CDH13: variants seen among roughly 807,000 people sequenced by gnomAD.
The protein encoded by CDH13 is cadherin 13.
In CDH13, 24 loss-of-function variants were observed where a neutral mutation model predicts 63.8. The observed-to-expected ratio is 0.38, with a 90% CI of 0.27 to 0.53. CDH13 has a LOEUF of 0.53. Ranked by LOEUF, CDH13 falls within the 20% of genes least tolerant of loss-of-function variation. The pLI, the probability that CDH13 is intolerant of heterozygous loss-of-function variation, is 0.85. For missense variants in CDH13, 1,049 were observed against 903.1 expected, an observed-to-expected ratio of 1.16 and a Z score of -2.07; for synonymous variants, 503 against 355.3, an observed-to-expected ratio of 1.42 and a Z score of -4.67.
At chr16:82,987,295 A>G (rs1254216734) in intron 2 of CDH13, among the ~76,000 whole-genome samples, 2 of 152,204 alleles carry the variant, frequency 1.3e-5, no homozygotes, top group African/African-American at 2.4e-5. Flanking sequence ...CTTTCTATCT[A>G]CTGGGCAGAG....
At chr16:82,882,669 C>CCT (rs979743857) in intron 2 of CDH13, among the ~76,000 whole-genome samples, 6 of 151,772 alleles carry the variant, frequency 4.0e-5, no homozygotes, top group African/African-American at 1.4e-4. Context: ...TCCCTTTTTC[C>CCT]CTCTCTCTCT....
chr16:82,950,999 A>G (rs1350936294), intron 2 of CDH13, among the ~76,000 whole-genome samples: 2 of 152,140 alleles, frequency 1.3e-5, no homozygotes, highest in East Asian at 1.9e-4. Context: ...GCGCATCACC[A>G]TATTTCTGTG....
At chr16:82,810,362 C>T (rs2037380558) in intron 1 of CDH13, among the ~76,000 whole-genome samples, 3 of 152,104 alleles carry the variant, frequency 2.0e-5, no homozygotes. Context: ...ATGAGAGGAT[C>T]TGTCAGCCAG....
chr16:83,616,759 G>A (rs191463694), intron 8 of CDH13, among the ~76,000 whole-genome samples: 150 of 152,250 alleles, frequency 9.9e-4, no homozygotes, highest in Non-Finnish European at 1.6e-4. Flanking sequence ...CACTGCACCT[G>A]GAAGCCATTT....
At chr16:83,346,708 T>C (rs777007911) in intron 6 of CDH13, among the ~76,000 whole-genome samples, 35 of 152,372 alleles carry the variant, frequency 2.3e-4, no homozygotes, top group Non-Finnish European at 3.4e-4. Flanking sequence ...TACATGTATA[T>C]ACATGTAATA....
intron 1 of CDH13, among the ~76,000 whole-genome samples, chr16:82,647,829 C>G (rs951028287): frequency 1.3e-5 from 2 of 152,162 alleles, no homozygotes; most frequent in African/African-American, 2.4e-5. Context: ...TGGTAAGTAT[C>G]TGATATGGTT....
intron 5 of CDH13, among the ~76,000 whole-genome samples, chr16:83,260,379 G>T (rs935397351): frequency 6.6e-6 from 1 of 152,206 alleles, no homozygotes; most frequent in Non-Finnish European, 1.5e-5. Context: ...TAGGTGTCCA[G>T]TGTTCTGGAA....
At chr16:83,178,299 C>T (rs1427549362) in intron 4 of CDH13, among the ~76,000 whole-genome samples, 11 of 152,198 alleles carry the variant, frequency 7.2e-5, no homozygotes, top group Admixed American at 1.3e-4. Context: ...CCGCCAGCTG[C>T]GACAACTAAA....
At chr16:83,216,397 AATATATATATATATATAT>A (rs1158270310) in intron 4 of CDH13, among the ~76,000 whole-genome samples, 232 of 16,108 alleles carry the variant, frequency 0.014, 26 homozygotes, top group East Asian at 0.028. Context: ...CCAGCATTGA[AATATATATATATATATAT>A]ATATATATAT....
chr16:82,847,736 C>G (rs545921673), intron 1 of CDH13, among the ~76,000 whole-genome samples: 18 of 152,274 alleles, frequency 1.2e-4, no homozygotes, highest in African/African-American at 3.9e-4. Context: ...TAAAGCTTCC[C>G]AGTGACCGTT....
chr16:83,400,892 C>T (rs1410331440), intron 6 of CDH13, among the ~76,000 whole-genome samples: 2 of 152,114 alleles, frequency 1.3e-5, no homozygotes, highest in East Asian at 1.9e-4. Context: ...AGTATCATTG[C>T]TCCTACTAAT....
At chr16:83,556,865 C>A (rs759928661) in intron 7 of CDH13, among the ~76,000 whole-genome samples, 1 of 152,220 alleles carries the variant, frequency 6.6e-6, no homozygotes, top group African/African-American at 2.4e-5. Flanking sequence ...AACGTTGAAG[C>A]GCCTCCTGGG....
rs1248766252 is a variant in CDH13 at position 83,047,807 on chromosome 16, G to A, written c.366+15589G>A. Among the ~76,000 whole-genome samples the A allele has an allele frequency of 2.0e-5, 3 of 152,168 alleles. No homozygotes were observed. Among genetic ancestry groups the A allele is most frequent in the Admixed American group, 6.5e-5 (1 of 15,272 alleles). On this transcript the variant is annotated intron_variant, in intron 3 of 13. Transcript: ENST00000567109. This position sits in a 1 kb window ranked among gnomAD's most constrained non-coding sequence, Gnocchi z 4.9. ...CGTTGTGCGGGGCACCACTTTAAGTGCATTTCTTACATTAAGTCATATAAT... is the reference window on the plus strand; with the variant it reads ...CGTTGTGCGGGGCACCACTTTAAGTACATTTCTTACATTAAGTCATATAAT...
chr16:82,700,370 G>A (rs1267305295), intron 1 of CDH13, among the ~76,000 whole-genome samples: 2 of 152,146 alleles, frequency 1.3e-5, no homozygotes, highest in South Asian at 2.1e-4. Context: ...CGTGACCAAC[G>A]TTCTATGCAG....
chr16:83,743,757 T>TTTTTTC (rs1912289543), intron 10 of CDH13, among the ~76,000 whole-genome samples: 1 of 130,658 alleles, frequency 7.7e-6, no homozygotes, highest in South Asian at 2.7e-4. Flanking sequence ...TCTTTTTTTT[T>TTTTTTC]TTTTTTTTTT....
chr16:83,173,665 G>T (rs963270268), intron 4 of CDH13, among the ~76,000 whole-genome samples: 1 of 152,020 alleles, frequency 6.6e-6, no homozygotes, highest in African/African-American at 2.4e-5. Context: ...ATTTTTATTT[G>T]CAAAATTTGG....
At chr16:83,227,083 A>G (rs2039863468) in intron 5 of CDH13, among the ~76,000 whole-genome samples, 2 of 152,214 alleles carry the variant, frequency 1.3e-5, no homozygotes, top group African/African-American at 4.8e-5. Flanking sequence ...AGAACAGAAA[A>G]TGATTGAAGT....
At chr16:82,931,229 C>A (rs529770840) in intron 2 of CDH13, among the ~76,000 whole-genome samples, 2 of 152,316 alleles carry the variant, frequency 1.3e-5, no homozygotes, top group African/African-American at 4.8e-5. Flanking sequence ...TCTGACTACC[C>A]TGCACAGAAT....
At chr16:83,348,019 A>G (rs2090874933) in intron 6 of CDH13, among the ~76,000 whole-genome samples, 1 of 152,040 alleles carries the variant, frequency 6.6e-6, no homozygotes, top group African/African-American at 2.4e-5. Flanking sequence ...GTGAAACCCC[A>G]TTGCTACGAA....
Sources: allele counts gnomAD v4.1 joint callset (sites outside exome capture counted in the v4.1 genomes callset), GRCh38; gene constraint gnomAD v4.1.1; non-coding constraint Gnocchi (gnomAD v3.1); transcripts MANE v1.5; gene names NCBI Gene and HGNC (gene_info 2026-07-23, HGNC 2026-07-21).